NDUFAF6: variants seen among roughly 807,000 people sequenced by gnomAD.
The protein encoded by NDUFAF6 is NADH:ubiquinone oxidoreductase complex assembly factor 6.
Under a neutral mutation model 40.8 loss-of-function variants are expected in NDUFAF6, and 45 were observed. The observed-to-expected ratio is 1.10, with a 90% CI of 0.87 to 1.42. NDUFAF6 has a LOEUF of 1.42. Among genes scored for constraint, NDUFAF6 ranks in the 40% most tolerant of loss-of-function variants. The pLI, the probability that NDUFAF6 is intolerant of heterozygous loss-of-function variation, is 0.00. For missense variants in NDUFAF6, 435 were observed against 418.5 expected (o/e 1.04, Z -0.34); for synonymous variants, 185 against 155.9 (o/e 1.19, Z -1.39).
At chr8:95,056,156 A>G (rs1832102285) in intron 8 of NDUFAF6, among the ~76,000 whole-genome samples, 1 of 151,838 alleles carries the variant, frequency 6.6e-6, no homozygotes, top group Non-Finnish European at 1.5e-5. Flanking sequence ...TAGTACCTTC[A>G]CTTCACTGTA....
chr8:95,112,881 G>GAT (rs1227857554), intron 4 of NDUFAF6, among the ~76,000 whole-genome samples: 1 of 152,214 alleles, frequency 6.6e-6, no homozygotes, highest in Admixed American at 6.5e-5. Flanking sequence ...ATGCCCCATG[G>GAT]GCTGACAAAT....
downstream of NDUFAF6, among the ~76,000 whole-genome samples, chr8:95,105,066 CAGAGAGAGAGAGAGAGAGAGAGAG>C (rs55705930): frequency 1.1e-4 from 8 of 72,770 alleles, no homozygotes; most frequent in African/African-American, 3.3e-4. Context: ...CACACACACA[CAGAGAGAGAGAGAGAGAGAGAGAG>C]AGAGAGAGAG....
chr8:95,031,864 G>T, intron 1 of NDUFAF6, 131 bp from the exon 2 acceptor site: 1 of 822,168 alleles, frequency 1.2e-6, no homozygotes, highest in Non-Finnish European at 2.0e-6. Context: ...GCCTCCCAAA[G>T]TGCTGGGATT....
intron 9 of NDUFAF6, among the ~76,000 whole-genome samples, chr8:95,064,025 C>T (rs570205815): frequency 8.7e-5 from 13 of 150,234 alleles, no homozygotes; most frequent in Middle Eastern, 3.4e-3. Flanking sequence ...GTGCCCGCCA[C>T]CACGCCTGGC....
chr8:95,041,778 C>T (rs1830174055), intron 4 of NDUFAF6, 152 bp downstream of exon 4: 3 of 695,436 alleles, frequency 4.3e-6, no homozygotes, highest in African/African-American at 1.8e-5. Flanking sequence ...TTTACCCTTG[C>T]ATGCTACCCC....
chr8:95,017,653 A>G (rs888072128), intron 2 of NDUFAF6, among the ~76,000 whole-genome samples: 3 of 152,220 alleles, frequency 2.0e-5, no homozygotes, highest in African/African-American at 7.2e-5. Context: ...TAGTTCATAG[A>G]GGCTGGGTAT....
At chr8:95,006,347 C>A (rs1826978645) in intron 2 of NDUFAF6, among the ~76,000 whole-genome samples, 1 of 86,998 alleles carries the variant, frequency 1.1e-5, no homozygotes, top group South Asian at 4.2e-4. Context: ...AAGAGCAAGA[C>A]TCCGTCTCAA....
chr8:94,923,612 ATAG>A (rs1819648251), intron 1 of NDUFAF6, among the ~76,000 whole-genome samples: 1 of 151,534 alleles, frequency 6.6e-6, no homozygotes, highest in Non-Finnish European at 1.5e-5. Flanking sequence ...TAATGAGCTG[ATAG>A]TGGTGTGTTT....
At chr8:95,009,394 A>G (rs1827139169) in intron 2 of NDUFAF6, among the ~76,000 whole-genome samples, 1 of 152,118 alleles carries the variant, frequency 6.6e-6, no homozygotes, top group Non-Finnish European at 1.5e-5. Context: ...CACAGAAGAG[A>G]TGCTCAACCA....
chr8:94,946,280 AC>A (rs1267574933), intron 2 of NDUFAF6, among the ~76,000 whole-genome samples: 1 of 152,202 alleles, frequency 6.6e-6, no homozygotes, highest in Non-Finnish European at 1.5e-5. Context: ...TCTAATACTC[AC>A]GGGGAAGAGC....
chr8:95,103,319 G>T (rs1809714374), exon 3 of NDUFAF6: 1 of 152,128 alleles, frequency 6.6e-6, no homozygotes, highest in Non-Finnish European at 1.5e-5. Flanking sequence ...CTGTACTGGT[G>T]GTTGTTAGGA....
intron 1 of NDUFAF6, among the ~76,000 whole-genome samples, chr8:94,910,183 C>T (rs1042252750): frequency 1.6e-4 from 24 of 151,880 alleles, no homozygotes; most frequent in African/African-American, 3.9e-4. Context: ...GAGATGGAGT[C>T]GCTCTGTCGC....
At chr8:95,110,412 A>G (rs1018373410) in intron 4 of NDUFAF6, among the ~76,000 whole-genome samples, 6 of 152,320 alleles carry the variant, frequency 3.9e-5, no homozygotes, top group African/African-American at 1.4e-4. Context: ...AGCCATTTCA[A>G]ATATCAGTGA....
chr8:94,969,306 G>C (rs1172854260), intron 1 of NDUFAF6, among the ~76,000 whole-genome samples: 1 of 152,226 alleles, frequency 6.6e-6, no homozygotes, highest in Non-Finnish European at 1.5e-5. Context: ...TGATTCTAGG[G>C]AGAAAACCAA....
intron 3 of NDUFAF6, among the ~76,000 whole-genome samples, chr8:95,036,933 T>C (rs1829571449): frequency 1.3e-5 from 2 of 152,246 alleles, no homozygotes; most frequent in South Asian, 2.1e-4. Flanking sequence ...TTGTCCTTGC[T>C]GCATGTTCTC....
intron 7 of NDUFAF6, among the ~76,000 whole-genome samples, chr8:95,051,456 A>G (rs866651808): frequency 7.2e-5 from 11 of 152,204 alleles, no homozygotes; most frequent in Admixed American, 6.5e-4. Context: ...TTGGGGGTCA[A>G]ACTGGAGTAT....
intron 1 of NDUFAF6, among the ~76,000 whole-genome samples, chr8:94,976,672 TA>T (rs59800856): frequency 1.7e-3 from 248 of 148,412 alleles, no homozygotes; most frequent in Middle Eastern, 3.5e-3. Context: ...AGACTTCATC[TA>T]AAAAAAAAAA....
chr8:94,942,186 A>G (rs1201826693), intron 1 of NDUFAF6, among the ~76,000 whole-genome samples: 1 of 151,126 alleles, frequency 6.6e-6, no homozygotes, highest in Non-Finnish European at 1.5e-5. Flanking sequence ...ACAGGCGCCC[A>G]CCACCACATC....
chr8:95,101,800 C>T (rs745705181), intron 2 of NDUFAF6, among the ~76,000 whole-genome samples: 2 of 151,874 alleles, frequency 1.3e-5, no homozygotes, highest in African/African-American at 4.8e-5. Flanking sequence ...CAAAATGACT[C>T]GAGTAAAGAA....
Sources: allele counts gnomAD v4.1 joint callset (sites outside exome capture counted in the v4.1 genomes callset), GRCh38; gene constraint gnomAD v4.1.1; transcripts MANE v1.5; gene names NCBI Gene and HGNC (gene_info 2026-07-23, HGNC 2026-07-21).